Variants in STARD13 observed in about 807,000 individuals in gnomAD.
STARD13 encodes StAR related lipid transfer domain containing 13.
In STARD13, 62 loss-of-function variants were observed where a neutral mutation model predicts 106.4. The observed-to-expected ratio is 0.58, with a 90% CI of 0.48 to 0.72. The LOEUF is 0.72. Ranked by LOEUF, STARD13 falls within the 30% of genes least tolerant of loss-of-function variation. The probability of loss-of-function intolerance (pLI) is 0.00; values close to 1 mark genes in which losing one functional copy is unlikely to be tolerated. For synonymous variants in STARD13, 565 were observed against 553.0 expected (o/e 1.02, Z -0.31); for missense variants, 1,387 against 1,424.0 (o/e 0.97, Z 0.42).
At chr13:33,616,643 G>A in the STARD13 span, among the ~76,000 whole-genome samples, 3 of 152,252 alleles carry the variant, frequency 2.0e-5, no homozygotes, top group East Asian at 3.9e-4. Flanking sequence ...TTCTCTTTAC[G>A]TATTTATATT....
chr13:33,233,326 C>A (rs1452537597), intron 1 of STARD13, among the ~76,000 whole-genome samples: 1 of 152,166 alleles, frequency 6.6e-6, no homozygotes, highest in Non-Finnish European at 1.5e-5. Context: ...TGAGTGGTAT[C>A]TTCGCTTTAA....
the STARD13 span, among the ~76,000 whole-genome samples, chr13:33,670,664 A>AT: frequency 6.6e-6 from 1 of 152,306 alleles, no homozygotes. Context: ...CTAAACGTGC[A>AT]TTTATCCAAG....
At chr13:33,204,358 A>C (rs959191548) in intron 1 of STARD13, among the ~76,000 whole-genome samples, 1 of 152,226 alleles carries the variant, frequency 6.6e-6, no homozygotes, top group Non-Finnish European at 1.5e-5. Flanking sequence ...GGTTGCACAG[A>C]GTGTACAAAG....
At chr13:33,436,871 C>T in the STARD13 span, among the ~76,000 whole-genome samples, 1 of 152,088 alleles carries the variant, frequency 6.6e-6, no homozygotes, top group South Asian at 2.1e-4. Flanking sequence ...GTGAATCAGG[C>T]AGTTTTGGAA....
At chr13:33,650,164 ATTTTTTTTT>A in the STARD13 span, among the ~76,000 whole-genome samples, 79 of 48,366 alleles carry the variant, frequency 1.6e-3, 1 homozygote, top group African/African-American at 5.8e-3. Flanking sequence ...CGTGACTCCA[ATTTTTTTTT>A]TTTTTTTTTT....
chr13:33,539,955 T>C, the STARD13 span, among the ~76,000 whole-genome samples: 9 of 152,216 alleles, frequency 5.9e-5, no homozygotes, highest in African/African-American at 2.2e-4. Flanking sequence ...AGTATGTAAA[T>C]AACTCCTACA....
the STARD13 span, among the ~76,000 whole-genome samples, chr13:33,552,358 T>C: frequency 1.3e-5 from 2 of 152,214 alleles, no homozygotes; most frequent in African/African-American, 4.8e-5. Flanking sequence ...ACACACAGAC[T>C]GTCCTCCAAA....
At chr13:33,475,575 C>A in the STARD13 span, among the ~76,000 whole-genome samples, 2 of 152,186 alleles carry the variant, frequency 1.3e-5, no homozygotes, top group Non-Finnish European at 2.9e-5. Context: ...GCTACAAGAG[C>A]ATCAAGGTTT....
chr13:33,200,731 T>C (rs1886958778), intron 1 of STARD13, among the ~76,000 whole-genome samples: 1 of 152,158 alleles, frequency 6.6e-6, no homozygotes, highest in African/African-American at 2.4e-5. Flanking sequence ...TTTAGAAACA[T>C]GCTTAAAGGG....
intron 8 of STARD13, chr13:33,113,222 G>A (rs1874875008): frequency 6.5e-6 from 3 of 463,032 alleles, no homozygotes; most frequent in Non-Finnish European, 1.2e-5. Context: ...TCTGTATTCT[G>A]AGCAATCAAC....
At chr13:33,380,700 G>A in the STARD13 span, among the ~76,000 whole-genome samples, 19 of 152,124 alleles carry the variant, frequency 1.2e-4, no homozygotes, top group Non-Finnish European at 2.4e-4. Flanking sequence ...TCCCAGAGAA[G>A]CTATTTGAAC....
At chr13:33,212,045 G>C (rs991900764) in intron 1 of STARD13, among the ~76,000 whole-genome samples, 4 of 152,100 alleles carry the variant, frequency 2.6e-5, no homozygotes, top group Non-Finnish European at 4.4e-5. Flanking sequence ...AAACAAATAA[G>C]AAAGCTAATA....
At chr13:33,579,975 G>A in the STARD13 span, among the ~76,000 whole-genome samples, 1 of 152,062 alleles carries the variant, frequency 6.6e-6, no homozygotes, top group Non-Finnish European at 1.5e-5. Context: ...ACGCAAAATG[G>A]TATAGCTGCT....
chr13:33,536,263 TA>T, the STARD13 span, among the ~76,000 whole-genome samples: 1 of 152,226 alleles, frequency 6.6e-6, no homozygotes, highest in African/African-American at 2.4e-5. Flanking sequence ...TACGTATTTT[TA>T]AAGCCAGGAA....
At chr13:33,295,778 T>C (rs1020238286) in intron 1 of STARD13, among the ~76,000 whole-genome samples, 1 of 152,130 alleles carries the variant, frequency 6.6e-6, no homozygotes, top group Non-Finnish European at 1.5e-5. Flanking sequence ...GTGTTGCAGG[T>C]GCCTAGAGGG....
the STARD13 span, among the ~76,000 whole-genome samples, chr13:33,593,968 G>T: frequency 6.6e-6 from 1 of 151,956 alleles, no homozygotes; most frequent in Non-Finnish European, 1.5e-5. Context: ...GTGCAGTGAC[G>T]CGATCTCGAC....
chr13:33,249,736 C>T (rs1890001825), intron 1 of STARD13, among the ~76,000 whole-genome samples: 1 of 152,132 alleles, frequency 6.6e-6, no homozygotes, highest in Non-Finnish European at 1.5e-5. Flanking sequence ...CAAACTGTCT[C>T]CCTTTCGTTT....
At chr13:33,454,743 G>C in the STARD13 span, among the ~76,000 whole-genome samples, 1 of 152,202 alleles carries the variant, frequency 6.6e-6, no homozygotes, top group Non-Finnish European at 1.5e-5. Context: ...TTAGATTTGT[G>C]ATATAATCAG....
chr13:33,175,178 A>G (rs1165794440), intron 1 of STARD13, among the ~76,000 whole-genome samples: 1 of 152,230 alleles, frequency 6.6e-6, no homozygotes, highest in Non-Finnish European at 1.5e-5. Context: ...TCCATGAAGC[A>G]GAGTAGTTCT....
Sources: allele counts gnomAD v4.1 joint callset (sites outside exome capture counted in the v4.1 genomes callset), GRCh38; gene constraint gnomAD v4.1.1; transcripts MANE v1.5; gene names NCBI Gene and HGNC (gene_info 2026-07-23, HGNC 2026-07-21).